SLC9A9: variants seen among roughly 807,000 people sequenced by gnomAD.
SLC9A9 encodes solute carrier family 9 member A9.
In SLC9A9, 62 loss-of-function variants were observed where a neutral mutation model predicts 77.8. That is an observed-to-expected ratio of 0.80 (90% confidence interval 0.65 to 0.98). The LOEUF is 0.98. SLC9A9 is among the 50% of genes least tolerant of loss of function. The probability of loss-of-function intolerance (pLI) is 0.00; values close to 1 mark genes in which losing one functional copy is unlikely to be tolerated. For missense variants in SLC9A9, 775 were observed against 774.9 expected (o/e 1.00, Z 0.00); for synonymous variants, 320 against 283.5 (o/e 1.13, Z -1.29).
intron 14 of SLC9A9, among the ~76,000 whole-genome samples, chr3:143,276,871 C>T (rs1476076012): frequency 6.6e-6 from 1 of 152,044 alleles, no homozygotes; most frequent in Admixed American, 6.5e-5. Flanking sequence ...CCTTGAAACC[C>T]ATCCATAAAC....
chr3:143,641,213 T>C (rs1206412952), intron 6 of SLC9A9, among the ~76,000 whole-genome samples: 1 of 151,954 alleles, frequency 6.6e-6, no homozygotes, highest in East Asian at 1.9e-4. Flanking sequence ...AGCCTAAAAT[T>C]CTGGAGAGAA....
At chr3:143,729,183 C>A (rs1378891484) in intron 4 of SLC9A9, among the ~76,000 whole-genome samples, 2 of 152,148 alleles carry the variant, frequency 1.3e-5, no homozygotes, top group Non-Finnish European at 2.9e-5. Flanking sequence ...CCTAAGGAAG[C>A]CTTCTTTGCC....
intron 6 of SLC9A9, among the ~76,000 whole-genome samples, chr3:143,621,423 G>A (rs2038210747): frequency 6.6e-6 from 1 of 152,332 alleles, no homozygotes; most frequent in African/African-American, 2.4e-5. Flanking sequence ...AAAACTTCCA[G>A]AGGAACGATC....
intron 14 of SLC9A9, among the ~76,000 whole-genome samples, chr3:143,355,631 T>C (rs1324073119): frequency 6.6e-6 from 1 of 152,210 alleles, no homozygotes; most frequent in African/African-American, 2.4e-5. Context: ...CATAGATGTG[T>C]TCCTGAAAAG....
chr3:143,500,313 T>C (rs1242316137), intron 9 of SLC9A9, among the ~76,000 whole-genome samples: 1 of 152,182 alleles, frequency 6.6e-6, no homozygotes, highest in African/African-American at 2.4e-5. Context: ...TTTATATCTT[T>C]CCCCATGTTA....
At chr3:143,739,179 C>T (rs906817350) in intron 4 of SLC9A9, among the ~76,000 whole-genome samples, 2 of 152,016 alleles carry the variant, frequency 1.3e-5, no homozygotes, top group African/African-American at 4.8e-5. Context: ...TGGGGCCCAG[C>T]GAGTCACCTC....
chr3:143,525,020 A>T (rs2036380784), intron 9 of SLC9A9, among the ~76,000 whole-genome samples: 1 of 152,214 alleles, frequency 6.6e-6, no homozygotes, highest in Non-Finnish European at 1.5e-5. Flanking sequence ...CTTATAAATT[A>T]TTCAGTCTCA....
rs2038827676 is a variant in SLC9A9, at chr3:143,653,087, A to G, written c.650-727T>C. ...GAATAAATGAATAAATGTTGTTGCA[A>G]TGGCCTACTCCTGTGAAGGGAGACA... On this transcript the variant is annotated intron_variant, in intron 5 of 15. Transcript: ENST00000316549. 2.0e-5 allele frequency among the ~76,000 whole-genome samples: 3 copies of G among 152,180 alleles called. No individual in the cohort carries two copies. In the South Asian group the frequency reaches 6.2e-4, roughly 32 times the overall value.
intron 9 of SLC9A9, among the ~76,000 whole-genome samples, chr3:143,530,252 C>G (rs1307405762): frequency 2.6e-5 from 4 of 152,176 alleles, no homozygotes; most frequent in Admixed American, 2.6e-4. Context: ...TATTGAAGCT[C>G]CCATGATTCC....
intron 14 of SLC9A9, among the ~76,000 whole-genome samples, chr3:143,349,137 C>T (rs1265703725): frequency 6.6e-6 from 1 of 152,192 alleles, no homozygotes. Context: ...GGGAGTAACA[C>T]GCATGTAGCA....
intron 2 of SLC9A9, among the ~76,000 whole-genome samples, chr3:143,820,572 GGGGTT>G (rs2009140261): frequency 6.6e-6 from 1 of 152,114 alleles, no homozygotes; most frequent in Admixed American, 6.5e-5. Context: ...CATTCATGTG[GGGGTT>G]GCCCTACTAC....
chr3:143,614,995 G>T (rs1468570886), intron 6 of SLC9A9, among the ~76,000 whole-genome samples: 2 of 152,126 alleles, frequency 1.3e-5, no homozygotes, highest in Non-Finnish European at 2.9e-5. Flanking sequence ...GGCCCTCATG[G>T]ACACTGGGGG....
intron 12 of SLC9A9, among the ~76,000 whole-genome samples, chr3:143,402,308 T>C (rs961461529): frequency 3.3e-5 from 5 of 152,192 alleles, no homozygotes; most frequent in Admixed American, 6.5e-5. Context: ...GATTTAAGTG[T>C]AGAAATTATT....
chr3:143,327,998 AT>A (rs1010512507), intron 14 of SLC9A9, among the ~76,000 whole-genome samples: 1 of 152,144 alleles, frequency 6.6e-6, no homozygotes, highest in Non-Finnish European at 1.5e-5. Context: ...CTATATGGAC[AT>A]TTTTTTCTGT....
At chr3:143,599,967 C>T (rs902333400) in intron 6 of SLC9A9, among the ~76,000 whole-genome samples, 5 of 152,102 alleles carry the variant, frequency 3.3e-5, no homozygotes, top group South Asian at 4.2e-4. Flanking sequence ...TGTTCTCTGG[C>T]GTTTTACCTA....
At chr3:143,799,989 A>G (rs1234722894) in intron 2 of SLC9A9, among the ~76,000 whole-genome samples, 1 of 152,130 alleles carries the variant, frequency 6.6e-6, no homozygotes, top group East Asian at 1.9e-4. Flanking sequence ...GCCAACTTAG[A>G]CAATACTCTT....
At chr3:143,416,455 A>G in intron 12 of SLC9A9, among the ~76,000 whole-genome samples, 1 of 152,138 alleles carries the variant, frequency 6.6e-6, no homozygotes, top group South Asian at 2.1e-4. Flanking sequence ...AGCAACCACC[A>G]CCTCGATTAG....
chr3:143,827,454 C>G (rs563265580), intron 2 of SLC9A9, among the ~76,000 whole-genome samples: 1 of 152,204 alleles, frequency 6.6e-6, no homozygotes, highest in Non-Finnish European at 1.5e-5. Context: ...TGAGCATGAA[C>G]AAAACAAGTT....
intron 4 of SLC9A9, among the ~76,000 whole-genome samples, chr3:143,695,799 C>T (rs1294837151): frequency 1.3e-5 from 2 of 151,838 alleles, no homozygotes; most frequent in Non-Finnish European, 2.9e-5. Flanking sequence ...CTCCCATTAA[C>T]AGTGTAAAAG....
Sources: allele counts gnomAD v4.1 joint callset (sites outside exome capture counted in the v4.1 genomes callset), GRCh38; gene constraint gnomAD v4.1.1; transcripts MANE v1.5; gene names NCBI Gene and HGNC (gene_info 2026-07-23, HGNC 2026-07-21).